Variants in NRBF2 observed in about 807,000 individuals in gnomAD.
The protein encoded by NRBF2 is nuclear receptor binding factor 2.
NRBF2 carries 12 observed loss-of-function variants against 28.5 expected under a neutral mutation model. The observed-to-expected ratio is 0.42, with a 90% CI of 0.27 to 0.68. The LOEUF (loss-of-function observed/expected upper bound fraction) is 0.68, where lower values mean the gene tolerates loss of function less well. Among genes scored for constraint, NRBF2 ranks in the 30% least tolerant of loss-of-function variants. The pLI is 0.24. For missense variants in NRBF2, 274 were observed against 333.5 expected (o/e 0.82, Z 1.39); for synonymous variants, 102 against 116.5 (o/e 0.88, Z 0.80).
intron 1 of NRBF2, among the ~76,000 whole-genome samples, chr10:63,134,264 A>G (rs971205903): frequency 6.6e-6 from 1 of 152,178 alleles, no homozygotes; most frequent in Non-Finnish European, 1.5e-5. Context: ...GAACCCCACT[A>G]ACAACGGGAA....
intron 1 of NRBF2, among the ~76,000 whole-genome samples, chr10:63,134,520 A>G (rs1039069375): frequency 6.6e-6 from 1 of 152,148 alleles, no homozygotes; most frequent in Non-Finnish European, 1.5e-5. Flanking sequence ...TTTTGAAGCT[A>G]TGCTGCTTGG....
At position 63,154,926 on chromosome 10, in the gene NRBF2, C is replaced by G. The variant is rs556855990; in HGVS notation, c.*708C>G. 2.6e-5 allele frequency: 4 copies of G among 152,580 alleles called. No homozygotes were observed. The highest frequency in any genetic ancestry group is 9.6e-5 in the African/African-American group (4 of 41,520). 9.5% of individuals were successfully genotyped at this position (152,580 alleles called of 1,614,324 possible). A position where few individuals can be genotyped will look rare whatever the true frequency, so the allele number is the denominator to read the frequency against. On this transcript the variant is annotated 3_prime_UTR_variant, in exon 4 of 4. Transcript: ENST00000277746. Reference sequence around the variant, plus strand: ...TGTATAATGCATCATTTGAAAATACCAAGGAGGAAATACCCTTTGTTTTTA... The same window carrying G: ...TGTATAATGCATCATTTGAAAATACGAAGGAGGAAATACCCTTTGTTTTTA...
intron 1 of NRBF2, among the ~76,000 whole-genome samples, chr10:63,137,605 C>A (rs1288479565): frequency 6.6e-6 from 1 of 152,176 alleles, no homozygotes; most frequent in African/African-American, 2.4e-5. Context: ...GTGGTCAGTT[C>A]TCACATCACA....
chr10:63,138,376 T>C (rs1042529133), intron 1 of NRBF2, among the ~76,000 whole-genome samples: 2 of 151,066 alleles, frequency 1.3e-5, no homozygotes, highest in Non-Finnish European at 2.9e-5. Context: ...CCCAGCTACT[T>C]GGGAAGCTGA....
At chr10:63,140,217 C>T (rs541083873) in intron 1 of NRBF2, among the ~76,000 whole-genome samples, 1 of 152,250 alleles carries the variant, frequency 6.6e-6, no homozygotes, top group African/African-American at 2.4e-5. Context: ...AAGTTTATGT[C>T]AGCTGTTTAC....
chr10:63,148,325 A>T (rs1841595915), intron 2 of NRBF2, among the ~76,000 whole-genome samples: 1 of 152,224 alleles, frequency 6.6e-6, no homozygotes, highest in South Asian at 2.1e-4. Context: ...CACTGAGTTG[A>T]TTGGGTTTCC....
At chr10:63,143,537 A>G (rs538186382) in intron 1 of NRBF2, among the ~76,000 whole-genome samples, 1 of 151,328 alleles carries the variant, frequency 6.6e-6, no homozygotes, top group African/African-American at 2.4e-5. Context: ...GGCTCACTGC[A>G]ACCTCTGCCT....
intron 1 of NRBF2, among the ~76,000 whole-genome samples, chr10:63,134,170 T>C (rs1841338958): frequency 6.6e-6 from 1 of 152,212 alleles, no homozygotes. Flanking sequence ...AATAGGTGTT[T>C]GCTGTTCTCA....
intron 2 of NRBF2, among the ~76,000 whole-genome samples, chr10:63,147,558 C>T (rs118144650): frequency 3.6e-3 from 538 of 151,382 alleles, no homozygotes; most frequent in Non-Finnish European, 5.7e-3. Context: ...ATGATTGACC[C>T]GCCTTGGCCT....
chr10:63,145,308 TC>T (rs1389810866), intron 1 of NRBF2, among the ~76,000 whole-genome samples: 1 of 152,056 alleles, frequency 6.6e-6, no homozygotes, highest in Non-Finnish European at 1.5e-5. Context: ...TCTCCTGACC[TC>T]ATGATCTGCC....
Position 63,133,425 on chromosome 10 carries a change from G to A in NRBF2, c.-46G>A. ...CCTTGCAGTCCCCTCCATGTTCCCC[G>A]GCGCCACTACTCCCCTTCCTAAGGC... On this transcript the variant is annotated 5_prime_UTR_variant, in exon 1 of 4. Coordinates refer to ENST00000277746, the MANE Select transcript of NRBF2 (RefSeq NM_030759.5). The A allele has an allele frequency of 1.2e-6, 2 of 1,609,422 alleles. No individual in the cohort carries two copies. The highest frequency in any genetic ancestry group is 1.7e-6 in the Non-Finnish European group (2 of 1,177,832).
rs1295923791 is a variant in NRBF2, at chr10:63,154,864, T to A, written c.*646T>A. 2 of 152,778 alleles carry A rather than the reference T, an allele frequency of 1.3e-5. No homozygotes were observed. Among genetic ancestry groups the A allele is most frequent in the East Asian group, 3.9e-4 (2 of 5,194 alleles). 9.5% of individuals were successfully genotyped at this position (152,778 alleles called of 1,614,324 possible). ...TAAAACAAATTACCAGTTTACATAA[T>A]TAATCAGGGTGCATTTTAAGTTCTA... On this transcript the variant is annotated 3_prime_UTR_variant, in exon 4 of 4. Transcript: ENST00000277746.
intron 3 of NRBF2, among the ~76,000 whole-genome samples, chr10:63,152,973 G>GCC (rs1407444640): frequency 6.6e-6 from 1 of 152,180 alleles, no homozygotes; most frequent in Non-Finnish European, 1.5e-5. Context: ...TTCAGCCTCA[G>GCC]CAACAGGGAC....
chr10:63,144,765 T>G (rs1841533754), intron 1 of NRBF2, among the ~76,000 whole-genome samples: 1 of 152,218 alleles, frequency 6.6e-6, no homozygotes, highest in Non-Finnish European at 1.5e-5. Context: ...GTGTGTATAC[T>G]GCATTTATCC....
chr10:63,144,255 G>A (rs1039920761), intron 1 of NRBF2, among the ~76,000 whole-genome samples: 2 of 152,062 alleles, frequency 1.3e-5, no homozygotes, highest in Non-Finnish European at 2.9e-5. Context: ...TCAATGATGA[G>A]TTGTTCCACC....
intron 1 of NRBF2, among the ~76,000 whole-genome samples, chr10:63,142,662 T>G (rs1164195980): frequency 6.6e-6 from 1 of 152,120 alleles, no homozygotes; most frequent in African/African-American, 2.4e-5. Flanking sequence ...CCTGTATAAT[T>G]TGTGGGTACT....
At chr10:63,143,488 C>T (rs1017735818) in intron 1 of NRBF2, among the ~76,000 whole-genome samples, 4 of 151,842 alleles carry the variant, frequency 2.6e-5, no homozygotes, top group Admixed American at 2.0e-4. Context: ...GACCGAGTCT[C>T]ACTGTGTTGC....
intron 1 of NRBF2, among the ~76,000 whole-genome samples, chr10:63,140,829 T>C (rs994754790): frequency 7.9e-5 from 12 of 151,908 alleles, no homozygotes; most frequent in African/African-American, 2.9e-4. Flanking sequence ...GCCTCCCGAG[T>C]AGCTGGGACT....
intron 1 of NRBF2, among the ~76,000 whole-genome samples, chr10:63,142,981 A>G (rs564664181): frequency 6.6e-6 from 1 of 151,790 alleles, no homozygotes; most frequent in Middle Eastern, 3.4e-3. Context: ...GTGTTTCACC[A>G]TATTGGCCAG....
Sources: allele counts gnomAD v4.1 joint callset (sites outside exome capture counted in the v4.1 genomes callset), GRCh38; gene constraint gnomAD v4.1.1; transcripts MANE v1.5; gene names NCBI Gene and HGNC (gene_info 2026-07-23, HGNC 2026-07-21).